Variants in ERCC2 observed in about 807,000 individuals in gnomAD.
ERCC2 encodes general transcription and DNA repair factor IIH helicase subunit XPD.
A neutral mutation model predicts 99.4 loss-of-function variants in ERCC2; 90 were observed. The observed-to-expected ratio is 0.91, with a 90% CI of 0.76 to 1.08. The LOEUF (loss-of-function observed/expected upper bound fraction) is 1.08. Ranked by LOEUF, ERCC2 falls within the 50% of genes least tolerant of loss-of-function variation. The pLI, the probability that ERCC2 is intolerant of heterozygous loss-of-function variation, is 0.00. For missense variants in ERCC2, 993 were observed against 1,038.1 expected (o/e 0.96, Z 0.60); for synonymous variants, 497 against 432.4 (o/e 1.15, Z -1.85).
Position 45,352,774 on chromosome 19 carries a change from T to C in ERCC2, c.1874A>G (p.Tyr625Cys). 9 of 1,613,420 alleles carry C rather than the reference T, an allele frequency of 5.6e-6. No individual in the cohort carries two copies. Among genetic ancestry groups the C allele is most frequent in the Non-Finnish European group, 7.6e-6 (9 of 1,179,762 alleles). Residue 625 changes from tyrosine to cysteine, a missense_variant, in exon 20 of 23, where the codon TAC becomes TGC. Tyr to Cys is a radical substitution (Grantham distance 194). This residue lies in a region of ERCC2 where 909 missense variants were observed against 930.8 expected (regional missense o/e 0.98). Coordinates refer to ENST00000391945, the MANE Select transcript of ERCC2 (RefSeq NM_000400.4). ...GRAVIMFGVP[Y>C]VYTQSRILKA... The stretch of plus-strand genomic sequence containing the variant: ...GAGAATGCGGCTCTGTGTGTAGACG[T>C]AGGGGACGCCAAACATGATGACGGC...
In ERCC2 at chr19:45,350,746, G is replaced by T. The variant is rs553749571; in HGVS notation, c.*883C>A. ...AGGCGAGGCGGCGGCAGGAGCAGCC[G>T]GGTGAGTGTTGATCAGGTCGGCAAA... On this transcript the variant is annotated 3_prime_UTR_variant, in exon 23 of 23. Transcript: ENST00000391945. 1 of 1,609,360 alleles carries T rather than the reference G, an allele frequency of 6.2e-7. No homozygotes were observed. Among genetic ancestry groups the T allele is most frequent in the Non-Finnish European group, 8.5e-7 (1 of 1,178,174 alleles).
intron 14 of ERCC2, 41 bp downstream of exon 14, chr19:45,357,433 G>T (rs747687627): frequency 6.2e-7 from 1 of 1,610,344 alleles, no homozygotes; most frequent in Admixed American, 1.7e-5. Context: ...GGCCCATGGA[G>T]GGAGGTCAGG....
chr19:45,350,064 C>A lies in ERCC2; in HGVS notation c.*1565G>T. 2.0e-6 allele frequency: 1 copy of A among 489,456 alleles called. No individual in the cohort carries two copies. The highest frequency in any genetic ancestry group is 3.7e-6 in the Non-Finnish European group (1 of 273,148). 30.3% of individuals were successfully genotyped at this position (489,456 alleles called of 1,614,324 possible). ...CCCCAGGGCAGGAAGTAAGGCCGAGCTCCAAACCCACTCTGCCCCAGGGCA... is the reference window on the plus strand; with the variant it reads ...CCCCAGGGCAGGAAGTAAGGCCGAGATCCAAACCCACTCTGCCCCAGGGCA... On this transcript the variant is annotated 3_prime_UTR_variant, in exon 23 of 23. Transcript: ENST00000391945.
chr19:45,353,045 G>A (rs761880106), intron 19 of ERCC2, 38 bp downstream of exon 19: 17 of 1,593,860 alleles, frequency 1.1e-5, no homozygotes, highest in Admixed American at 5.0e-5. Flanking sequence ...AGAGAGCTCT[G>A]GGAAGACACC....
chr19:45,363,405 G>T (rs748156011), intron 11 of ERCC2, among the ~76,000 whole-genome samples: 1 of 152,134 alleles, frequency 6.6e-6, no homozygotes, highest in Non-Finnish European at 1.5e-5. Flanking sequence ...TGCCGCTGTG[G>T]CCTGGCTTAG....
intron 5 of ERCC2, among the ~76,000 whole-genome samples, chr19:45,365,842 C>T (rs1438605241): frequency 6.6e-6 from 1 of 151,972 alleles, no homozygotes. Context: ...ACAAGTTATA[C>T]ATACATATTT....
At chr19:45,353,904 G>T (rs1226786683) in intron 17 of ERCC2, among the ~76,000 whole-genome samples, 1 of 152,204 alleles carries the variant, frequency 6.6e-6, no homozygotes, top group East Asian at 1.9e-4. Flanking sequence ...GCTCCTAGAA[G>T]GAAACAAAGG....
At chr19:45,364,753 A>G in intron 7 of ERCC2, 85 bp downstream of exon 7, 12 of 1,279,226 alleles carry the variant, frequency 9.4e-6, no homozygotes, top group Admixed American at 5.2e-5. Context: ...ACAGCAAGCA[A>G]CAGACAGACA....
rs1255854032 is a variant in ERCC2 at position 45,351,654 on chromosome 19, ATCCTCTTCAGCGTC to A, written c.2244_2257del (p.Glu748AspfsTer21). On this transcript the variant is annotated frameshift_variant, in exon 23 of 23. Coordinates refer to ENST00000391945, the MANE Select transcript of ERCC2 (RefSeq NM_000400.4). LOFTEE classifies it high-confidence loss of function. ...TCAGAGCTGCTGAGCAATCTGCTCT[ATCCTCTTCAGCGTC>A]TCCTCTGATTCTAGCTGCTCCAGGC... 6.2e-7 allele frequency: 1 copy of A among 1,614,092 alleles called. No homozygotes were observed. The highest frequency in any genetic ancestry group is 8.5e-7 in the Non-Finnish European group (1 of 1,179,998).
At position 45,352,679 on chromosome 19, in the gene ERCC2, A is replaced by G. The variant is rs750108424; in HGVS notation, c.1903-30T>C. 21 of 1,613,688 alleles carry G rather than the reference A, an allele frequency of 1.3e-5. No homozygotes were observed. The African/African-American group carries it at 2.8e-4, about 22-fold the overall frequency. ...AGATACGGAGGATGAGAAGCTGGGG[A>G]GGTGGGGGAGCCACTCCTCCCTTGA... is the stretch of plus-strand genomic sequence containing the variant. On this transcript the variant is annotated intron_variant, in intron 20 of 22. Coordinates refer to ENST00000391945, the MANE Select transcript of ERCC2 (RefSeq NM_000400.4).
In ERCC2 at chr19:45,350,350, T is replaced by C; in HGVS notation, c.*1279A>G. The C allele has an allele frequency of 1.9e-6, 3 of 1,612,816 alleles. No individual in the cohort carries two copies. The highest frequency in any genetic ancestry group is 2.5e-6 in the Non-Finnish European group (3 of 1,179,902). ...ACTCCCTTCTCCGCAGGCCTCAGCC[T>C]ACCTGAAACAGAACAAGTATCAACA... On this transcript the variant is annotated 3_prime_UTR_variant, in exon 23 of 23. Coordinates refer to ENST00000391945, the MANE Select transcript of ERCC2 (RefSeq NM_000400.4).
At chr19:45,365,740 G>A (rs1030737648) in intron 5 of ERCC2, among the ~76,000 whole-genome samples, 13 of 151,836 alleles carry the variant, frequency 8.6e-5, no homozygotes, top group South Asian at 8.3e-4. Flanking sequence ...GCAGTGAGCC[G>A]AGATCATGCC....
Position 45,351,271 on chromosome 19 carries a change from T to TG in ERCC2, c.*357dup, listed in dbSNP as rs770530749. The stretch of plus-strand genomic sequence containing the variant: ...CCTCACCTCCCCTCCAACCATCCCC[T>TG]GTGCCTGTCTCCAGTTTCCCAGCTG... On this transcript the variant is annotated 3_prime_UTR_variant, in exon 23 of 23. Transcript: ENST00000391945. The TG allele has an allele frequency of 4.2e-5, 68 of 1,611,746 alleles. No individual in the cohort carries two copies. In the East Asian group the frequency reaches 1.5e-3, roughly 35 times the overall value.
At position 45,361,590 on chromosome 19, in the gene ERCC2, G is replaced by A. The variant is rs769183673; in HGVS notation, c.1171C>T (p.Leu391Phe). 1 of 1,614,074 alleles carries A rather than the reference G, an allele frequency of 6.2e-7. No homozygotes were observed. Among genetic ancestry groups the A allele is most frequent in the Non-Finnish European group, 8.5e-7 (1 of 1,179,944 alleles). The change falls in exon 12 of 23, where the codon CTT becomes TTT. Residue 391 changes from leucine to phenylalanine, a missense_variant. Physicochemically the swap from Leu to Phe is conservative, Grantham distance 22. Transcript: ENST00000391945. ...AGGGTGAGCGGGGAGAAGTCAGCAA[G>A]GTCGGTGATCTCCAGAGTATGCAGC... ...SLLHTLEITD[L>F]ADFSPLTLLA... is the part of the protein sequence containing the mutation.
At chr19:45,370,095 C>A in intron 2 of ERCC2, 38 bp downstream of exon 2, 2 of 1,607,852 alleles carry the variant, frequency 1.2e-6, no homozygotes, top group Admixed American at 3.3e-5. Context: ...GGCAGCCCCA[C>A]CGGTCGAGTG....
At chr19:45,359,108 G>C (rs1246595877) in intron 12 of ERCC2, among the ~76,000 whole-genome samples, 2 of 152,172 alleles carry the variant, frequency 1.3e-5, no homozygotes, top group Non-Finnish European at 2.9e-5. Context: ...TGCTGGGACA[G>C]AGGTGCCCAG....
chr19:45,368,904 G>C, intron 4 of ERCC2, 26 bp downstream of exon 4: 3 of 1,613,000 alleles, frequency 1.9e-6, no homozygotes, highest in Non-Finnish European at 2.5e-6. Context: ...AGTGGGGCTG[G>C]AGCACCAGGA....
At chr19:45,360,632 C>T (rs561801339) in intron 12 of ERCC2, among the ~76,000 whole-genome samples, 2 of 152,216 alleles carry the variant, frequency 1.3e-5, no homozygotes, top group Admixed American at 1.3e-4. Flanking sequence ...CCCACCTCGG[C>T]CCCCCAAACT....
At chr19:45,352,462 T>TTGGAGCC (rs1971841236) in intron 21 of ERCC2, 44 bp downstream of exon 21, 1 of 1,613,944 alleles carries the variant, frequency 6.2e-7, no homozygotes, top group Non-Finnish European at 8.5e-7. Context: ...AGCCTGGTTC[T>TTGGAGCC]TGGAGCCTGG....
Sources: allele counts gnomAD v4.1 joint callset (sites outside exome capture counted in the v4.1 genomes callset), GRCh38; gene constraint gnomAD v4.1.1; regional missense constraint gnomAD v4.1.1; transcripts MANE v1.5; gene names NCBI Gene and HGNC (gene_info 2026-07-23, HGNC 2026-07-21).